CEP170: variants seen among roughly 807,000 people sequenced by gnomAD.
CEP170 encodes centrosomal protein 170, also known as centrosomal protein of 170 kDa.
CEP170 carries 21 observed loss-of-function variants against 151.9 expected under a neutral mutation model. The ratio of observed to expected loss-of-function variants is 0.14; its 90% CI spans 0.10 to 0.20. CEP170 has a LOEUF of 0.20. Ranked by LOEUF, CEP170 falls within the 10% of genes least tolerant of loss-of-function variation. The pLI is 1.00. For synonymous variants in CEP170, 356 were observed against 648.8 expected (o/e 0.55, Z 6.86); for missense variants, 964 against 1,892.9 (o/e 0.51, Z 9.11).
intron 1 of CEP170, among the ~76,000 whole-genome samples, chr1:243,246,530 C>A (rs898452972): frequency 6.6e-6 from 1 of 152,014 alleles, no homozygotes; most frequent in African/African-American, 2.4e-5. Flanking sequence ...CTGGGCCCGG[C>A]CTGTTGTTTA....
At chr1:243,212,313 C>T (rs1414116951) in intron 3 of CEP170, among the ~76,000 whole-genome samples, 1 of 152,088 alleles carries the variant, frequency 6.6e-6, no homozygotes, top group Non-Finnish European at 1.5e-5. Context: ...TTTGCTCAAC[C>T]CAATTTTAGC....
At position 243,124,553 on chromosome 1, in the gene CEP170, T is replaced by A. The variant is rs1274030578; in HGVS notation, c.*1896A>T. 7 of 152,546 alleles carry A rather than the reference T, an allele frequency of 4.6e-5. No individual in the cohort carries two copies. Among genetic ancestry groups the A allele is most frequent in the Admixed American group, 4.6e-4 (7 of 15,272 alleles). The allele number at this position is 152,546 out of a possible 1,614,324, so 9.4% of individuals were successfully genotyped here. A position where few individuals can be genotyped will look rare whatever the true frequency, so the allele number is the denominator to read the frequency against. On this transcript the variant is annotated 3_prime_UTR_variant, in exon 20 of 20. Transcript: ENST00000366542. Reference sequence around the variant, plus strand: ...TTCATACAAAATAAAAATAACATAGTAAAAGGCCAAATGTTTATAATTGAA... The same window carrying A: ...TTCATACAAAATAAAAATAACATAGAAAAAGGCCAAATGTTTATAATTGAA...
chr1:243,164,916 A>G lies in CEP170; in HGVS notation c.3044T>C (p.Ile1015Thr). 1 of 1,613,856 alleles carries G rather than the reference A, an allele frequency of 6.2e-7. No homozygotes were observed. The highest frequency in any genetic ancestry group is 8.5e-7 in the Non-Finnish European group (1 of 1,179,736). Reference sequence around the variant, plus strand: ...TGTTAAGTCTACTGAGGGCTGTCTTATTCTCCCACTGGACTGAACAAATTT... The same window carrying G: ...TGTTAAGTCTACTGAGGGCTGTCTTGTTCTCCCACTGGACTGAACAAATTT... Reference protein sequence around the residue: ...GRKFVQSSGRIRQPSVDLTDD... With the variant: ...GRKFVQSSGRTRQPSVDLTDD... The change falls in exon 13 of 20, where the codon ATA becomes ACA. Residue 1015 changes from isoleucine to threonine, a missense_variant. Coordinates refer to ENST00000366542, the MANE Select transcript of CEP170 (RefSeq NM_014812.3).
At chr1:243,129,535 T>C in intron 17 of CEP170, 82 bp from the exon 18 acceptor site, 1 of 1,007,996 alleles carries the variant, frequency 9.9e-7, no homozygotes, top group Non-Finnish European at 1.4e-6. Flanking sequence ...CAAAGCAATG[T>C]ATCTTTTCAA....
intron 14 of CEP170, among the ~76,000 whole-genome samples, chr1:243,146,004 A>G (rs568700842): frequency 2.4e-4 from 36 of 152,320 alleles, no homozygotes; most frequent in Admixed American, 1.2e-3. Flanking sequence ...GGTACTCAGG[A>G]AAACTGGAAA....
intron 10 of CEP170, among the ~76,000 whole-genome samples, chr1:243,184,644 T>C (rs935434777): frequency 3.3e-5 from 5 of 152,146 alleles, no homozygotes; most frequent in South Asian, 2.1e-4. Context: ...TTATACACTA[T>C]AGAACACAAT....
chr1:243,226,543 G>C (rs2063316140), intron 1 of CEP170, among the ~76,000 whole-genome samples: 1 of 152,134 alleles, frequency 6.6e-6, no homozygotes, highest in African/African-American at 2.4e-5. Context: ...GGAAAAGGGA[G>C]AGGTAATTTA....
At chr1:243,192,542 C>A (rs1359400449) in intron 7 of CEP170, among the ~76,000 whole-genome samples, 1 of 152,052 alleles carries the variant, frequency 6.6e-6, no homozygotes, top group Admixed American at 6.6e-5. Context: ...GACATATTTC[C>A]CTAAAGCTCA....
Position 243,140,058 on chromosome 1 carries a change from G to T in CEP170, c.4109C>A (p.Pro1370Gln). ...TTCTGGTGTTTTGGAATGAACTAAT[G>T]GAGGAATCTTTCGGAAGTTGAGGCT... ...DESLNFRKIP[P>Q]LVHSKTPEGN... is the part of the protein sequence containing the mutation. Residue 1370 changes from proline to glutamine, a missense_variant, in exon 16 of 20, where the codon CCA becomes CAA. Pro to Gln is a moderately conservative substitution (Grantham distance 76). Coordinates refer to ENST00000366542, the MANE Select transcript of CEP170 (RefSeq NM_014812.3). 1 of 1,613,820 alleles carries T rather than the reference G, an allele frequency of 6.2e-7. No homozygotes were observed. The highest frequency in any genetic ancestry group is 8.5e-7 in the Non-Finnish European group (1 of 1,179,800).
chr1:243,179,532 A>G (rs1304227856), intron 10 of CEP170, among the ~76,000 whole-genome samples: 5 of 152,222 alleles, frequency 3.3e-5, no homozygotes, highest in Non-Finnish European at 7.3e-5. Context: ...TTTAAACTAT[A>G]TATTTTAACA....
Position 243,165,570 on chromosome 1 carries a change from C to T in CEP170, c.2390G>A (p.Ser797Asn). The T allele has an allele frequency of 1.9e-6, 3 of 1,613,870 alleles. No individual in the cohort carries two copies. Among genetic ancestry groups the T allele is most frequent in the Non-Finnish European group, 1.7e-6 (2 of 1,179,882 alleles). The change falls in exon 13 of 20, where the codon AGC becomes AAC. Residue 797 changes from serine (S) to asparagine (N), a missense_variant. Coordinates refer to ENST00000366542, the MANE Select transcript of CEP170 (RefSeq NM_014812.3). ...ACTTTGTGCCACTCTGTCTCCTTTG[C>T]TTGTAGAATGTCCTGAATTTTTTTC... ...PPEKNSGHST[S>N]KGDRVAQSES...
chr1:243,193,681 A>C (rs2060459905), intron 7 of CEP170, among the ~76,000 whole-genome samples: 1 of 152,074 alleles, frequency 6.6e-6, no homozygotes, highest in South Asian at 2.1e-4. Context: ...CAAGTACCTA[A>C]CCAGGTCAAG....
intron 3 of CEP170, among the ~76,000 whole-genome samples, 194 bp from the exon 4 acceptor site, chr1:243,212,158 C>T (rs971819145): frequency 5.9e-5 from 9 of 152,186 alleles, no homozygotes; most frequent in Admixed American, 3.3e-4. Flanking sequence ...ATCTCTCTTA[C>T]TGGTAACACA....
At position 243,164,385 on chromosome 1, in the gene CEP170, A is replaced by G. The variant is rs2058304401; in HGVS notation, c.3575T>C (p.Val1192Ala). The G allele has an allele frequency of 6.5e-7, 1 of 1,539,970 alleles. No individual in the cohort carries two copies. Among genetic ancestry groups the G allele is most frequent in the Admixed American group, 2.0e-5 (1 of 50,902 alleles). ...TCTAGGAGAAAATTTATCTGATGGT[A>G]CTAGTCTGGCTCCACTTCTAATGAT... The part of the protein sequence containing the change: ...EAIIRSGARL[V>A]PSDKFSPRIR... The change falls in exon 13 of 20, where the codon GTA (valine) becomes GCA (alanine). Residue 1192 changes from valine (V) to alanine (A), a missense_variant. Physicochemically the swap from Val to Ala is moderately conservative, Grantham distance 64. Coordinates refer to ENST00000366542, the MANE Select transcript of CEP170 (RefSeq NM_014812.3).
intron 1 of CEP170, among the ~76,000 whole-genome samples, chr1:243,246,471 A>G (rs2065411006): frequency 6.6e-6 from 1 of 152,046 alleles, no homozygotes; most frequent in African/African-American, 2.4e-5. Context: ...ACCTCAAGTG[A>G]TCTGCTGGCT....
chr1:243,143,248 T>C (rs2056086039), intron 14 of CEP170, among the ~76,000 whole-genome samples: 1 of 152,098 alleles, frequency 6.6e-6, no homozygotes, highest in South Asian at 2.1e-4. Flanking sequence ...TGCACAGCAC[T>C]TTCTAGTACA....
rs139048377 is a variant in CEP170, at chr1:243,232,645, C to T, written c.-41-7324G>A. On this transcript the variant is annotated intron_variant, in intron 1 of 19. Transcript: ENST00000366542. ...CTTTCAACAGCTATTGAGAAGCCTG[C>T]GGAATCCAGACACTCTGAGGATCAA... Among the ~76,000 whole-genome samples the T allele has an allele frequency of 1.6e-3, 249 of 152,234 alleles. 1 individual carries two copies. The highest frequency in any genetic ancestry group is 5.0e-3 in the African/African-American group (206 of 41,534).
chr1:243,170,596 C>T (rs2058765101), intron 11 of CEP170, among the ~76,000 whole-genome samples: 1 of 152,132 alleles, frequency 6.6e-6, no homozygotes, highest in South Asian at 2.1e-4. Flanking sequence ...GAGTTCGAGA[C>T]CAGCCTGGCC....
chr1:243,167,173 A>T (rs927253631), intron 12 of CEP170, among the ~76,000 whole-genome samples: 1 of 152,080 alleles, frequency 6.6e-6, no homozygotes, highest in Non-Finnish European at 1.5e-5. Context: ...GAGAAGAACA[A>T]CATAACTAGT....
Sources: gnomAD v4.1 joint callset for allele counts (sites outside exome capture counted in the v4.1 genomes callset) on GRCh38, gnomAD v4.1.1 for gene constraint, MANE v1.5 for transcripts, NCBI Gene and HGNC (gene_info 2026-07-23, HGNC 2026-07-21) for gene names.